CCSER1: variants seen among roughly 807,000 people sequenced by gnomAD.
CCSER1 encodes coiled-coil serine rich protein 1.
CCSER1 carries 41 observed loss-of-function variants against 82.0 expected under a neutral mutation model. The observed-to-expected ratio is 0.50, with a 90% CI of 0.39 to 0.65. The LOEUF is 0.65. Ranked by LOEUF, CCSER1 falls within the 30% of genes least tolerant of loss-of-function variation. The pLI is 0.00. For synonymous variants in CCSER1, 414 were observed against 383.9 expected (o/e 1.08, Z -0.92); for missense variants, 1,119 against 1,064.2 (o/e 1.05, Z -0.72).
chr4:90,943,378 T>C lies in CCSER1; in HGVS notation c.2172+19931T>C, dbSNP rs181684905. Among the ~76,000 whole-genome samples the C allele has an allele frequency of 6.3e-3, 960 of 152,320 alleles. 5 individuals are homozygous for C. Among genetic ancestry groups the C allele is most frequent in the Non-Finnish European group, 0.011 (731 of 68,022 alleles). On this transcript the variant is annotated intron_variant, in intron 9 of 10. Transcript: ENST00000509176. The stretch of plus-strand genomic sequence containing the variant: ...ATTTTGTGAGTTATCCATTTTGAGA[T>C]AGTGATCATCTTACAGCCTTTCGGT...
intron 10 of CCSER1, among the ~76,000 whole-genome samples, chr4:91,588,806 T>C (rs770851102): frequency 1.3e-5 from 2 of 151,818 alleles, no homozygotes; most frequent in Non-Finnish European, 2.9e-5. Flanking sequence ...GAATTGTGCA[T>C]GTTGCTGAAG....
At chr4:90,307,499 C>G (rs1348168132) in intron 1 of CCSER1, among the ~76,000 whole-genome samples, 1 of 104,688 alleles carries the variant, frequency 9.6e-6, no homozygotes, top group Non-Finnish European at 1.8e-5. Context: ...CAAACTTGTC[C>G]TGGGGTGGGG....
chr4:90,537,149 G>A (rs1775504132), intron 5 of CCSER1, among the ~76,000 whole-genome samples: 1 of 152,106 alleles, frequency 6.6e-6, no homozygotes, highest in African/African-American at 2.4e-5. Context: ...TTAGATTGTT[G>A]TCTTGTTCTT....
intron 10 of CCSER1, among the ~76,000 whole-genome samples, chr4:91,321,243 A>G (rs2149265003): frequency 6.6e-6 from 1 of 152,216 alleles, no homozygotes; most frequent in Middle Eastern, 3.4e-3. Context: ...ACTTTCTCTT[A>G]GTAATTTTAT....
intron 5 of CCSER1, among the ~76,000 whole-genome samples, chr4:90,541,044 T>C (rs756239909): frequency 2.8e-4 from 42 of 152,100 alleles, no homozygotes; most frequent in Non-Finnish European, 4.9e-4. Flanking sequence ...ATTCATTAGG[T>C]AAGAAAATTT....
rs183485222 is a variant in CCSER1 at position 90,413,770 on chromosome 4, C to T, written c.1603+13641C>T. Among the ~76,000 whole-genome samples, 865 of 148,884 alleles carry T rather than the reference C, an allele frequency of 5.8e-3. 14 individuals are homozygous for T. Among genetic ancestry groups the T allele is most frequent in the African/African-American group, 0.02 (810 of 40,100 alleles). ...GGAGATCAAGACCACGGTGAAACCC[C>T]GTCTCCACTAAAAATACAAAAAAAA... On this transcript the variant is annotated intron_variant, in intron 4 of 10. Transcript: ENST00000509176.
chr4:91,235,474 T>C (rs1427418585), intron 10 of CCSER1, among the ~76,000 whole-genome samples: 1 of 152,182 alleles, frequency 6.6e-6, no homozygotes, highest in Non-Finnish European at 1.5e-5. Flanking sequence ...ATTATGCATT[T>C]TTGAATTTTT....
chr4:91,392,649 T>G (rs1471795639), intron 10 of CCSER1, among the ~76,000 whole-genome samples: 1 of 152,166 alleles, frequency 6.6e-6, no homozygotes, highest in East Asian at 1.9e-4. Flanking sequence ...GCACAGTTAC[T>G]ATGTGTAAAA....
intron 9 of CCSER1, among the ~76,000 whole-genome samples, chr4:90,955,649 A>G (rs975672328): frequency 2.0e-5 from 3 of 152,100 alleles, no homozygotes; most frequent in African/African-American, 7.2e-5. Context: ...CTGATTTACT[A>G]TTTATATTAT....
chr4:91,555,461 C>G (rs1359426582), intron 10 of CCSER1, among the ~76,000 whole-genome samples: 1 of 150,900 alleles, frequency 6.6e-6, no homozygotes, highest in Admixed American at 6.6e-5. Flanking sequence ...ATGCCCGGCA[C>G]ATAGTAATCA....
At chr4:90,935,038 G>A (rs1234464179) in intron 9 of CCSER1, among the ~76,000 whole-genome samples, 1 of 151,820 alleles carries the variant, frequency 6.6e-6, no homozygotes, top group Non-Finnish European at 1.5e-5. Context: ...ATGTATATAT[G>A]TGTGTGTGTA....
chr4:91,088,137 G>A (rs1029667354), intron 10 of CCSER1, among the ~76,000 whole-genome samples: 2 of 151,966 alleles, frequency 1.3e-5, no homozygotes, highest in Non-Finnish European at 2.9e-5. Flanking sequence ...AAATGTGAGG[G>A]TTTAGAAAAC....
intron 1 of CCSER1, among the ~76,000 whole-genome samples, chr4:90,266,953 G>A (rs1326536215): frequency 6.6e-6 from 1 of 151,678 alleles, no homozygotes; most frequent in Non-Finnish European, 1.5e-5. Flanking sequence ...CTTGAGAAAA[G>A]CAGAGATATA....
chr4:90,576,526 C>T (rs1469136754), intron 5 of CCSER1, among the ~76,000 whole-genome samples: 1 of 152,000 alleles, frequency 6.6e-6, no homozygotes, highest in African/African-American at 2.4e-5. Flanking sequence ...ACTTATTTAT[C>T]CCTCCCTCCA....
chr4:90,182,998 CT>C (rs1409655333), intron 1 of CCSER1, among the ~76,000 whole-genome samples: 9 of 151,904 alleles, frequency 5.9e-5, no homozygotes, highest in African/African-American at 2.2e-4. Flanking sequence ...TTTTTATTTT[CT>C]CTTTTATCTC....
At chr4:91,474,338 GATA>G (rs1270725481) in intron 10 of CCSER1, among the ~76,000 whole-genome samples, 3 of 151,526 alleles carry the variant, frequency 2.0e-5, no homozygotes, top group African/African-American at 7.3e-5. Flanking sequence ...ATTAATAATG[GATA>G]ATAAATTTTT....
intron 10 of CCSER1, among the ~76,000 whole-genome samples, chr4:91,462,141 T>A (rs932783803): frequency 1.3e-5 from 2 of 152,172 alleles, no homozygotes; most frequent in South Asian, 2.1e-4. Context: ...ATTGCCTTAA[T>A]AATCATGAAT....
At chr4:91,067,283 A>G (rs1313652408) in intron 9 of CCSER1, among the ~76,000 whole-genome samples, 3 of 152,066 alleles carry the variant, frequency 2.0e-5, no homozygotes, top group African/African-American at 7.2e-5. Flanking sequence ...CTTTTACTGG[A>G]AAGACTGTGT....
At chr4:91,352,654 G>C (rs1748557786) in intron 10 of CCSER1, among the ~76,000 whole-genome samples, 1 of 152,204 alleles carries the variant, frequency 6.6e-6, no homozygotes, top group Non-Finnish European at 1.5e-5. Flanking sequence ...TATAAAACCT[G>C]ATTTCTTAGA....
Sources: gnomAD v4.1 joint callset for allele counts (sites outside exome capture counted in the v4.1 genomes callset) on GRCh38, gnomAD v4.1.1 for gene constraint, MANE v1.5 for transcripts, NCBI Gene and HGNC (gene_info 2026-07-23, HGNC 2026-07-21) for gene names.